Variants in GTF2B observed in about 807,000 individuals in gnomAD.
GTF2B encodes general transcription factor IIB.
In GTF2B, 20 loss-of-function variants were observed where a neutral mutation model predicts 34.6. The observed-to-expected ratio is 0.58, with a 90% CI of 0.41 to 0.84. The LOEUF (loss-of-function observed/expected upper bound fraction) is 0.84, where lower values mean the gene tolerates loss of function less well. Among genes scored for constraint, GTF2B ranks in the 40% least tolerant of loss-of-function variants. GTF2B has a pLI of 0.00. For missense variants in GTF2B, 237 were observed against 393.3 expected (o/e 0.60, Z 3.36); for synonymous variants, 142 against 132.4 (o/e 1.07, Z -0.50).
At chr1:88,866,166 A>G (rs1673555679) in intron 2 of GTF2B, among the ~76,000 whole-genome samples, 1 of 151,998 alleles carries the variant, frequency 6.6e-6, no homozygotes, top group Non-Finnish European at 1.5e-5. Context: ...GTTCAAGACC[A>G]GCCTGGGCAA....
intron 2 of GTF2B, among the ~76,000 whole-genome samples, chr1:88,875,235 T>C (rs942972886): frequency 1.3e-5 from 2 of 152,234 alleles, no homozygotes; most frequent in Non-Finnish European, 2.9e-5. Flanking sequence ...TCACAGTTTA[T>C]GTTGCCATAA....
chr1:88,857,020 C>T (rs1322860477), intron 6 of GTF2B, among the ~76,000 whole-genome samples, 186 bp downstream of exon 6: 2 of 152,030 alleles, frequency 1.3e-5, no homozygotes, highest in Non-Finnish European at 2.9e-5. Context: ...AGGCTGGTCT[C>T]GAACTCCTGA....
At chr1:88,863,904 T>C (rs1006717630) in intron 3 of GTF2B, 77 bp downstream of exon 3, 16 of 1,317,826 alleles carry the variant, frequency 1.2e-5, no homozygotes, top group Admixed American at 3.5e-5. Context: ...CAGTGACTGA[T>C]ACTTTTGCAA....
Position 88,885,674 on chromosome 1 carries a change from C to T in GTF2B, c.124+1587G>A, listed in dbSNP as rs138590820. On this transcript the variant is annotated intron_variant, in intron 2 of 6. Transcript: ENST00000370500. ...CTGAGGCAGGAGAATCACTTGAACC[C>T]GGGAGGCGGAGGTTGTGGTGAACCG... 2.0e-3 allele frequency among the ~76,000 whole-genome samples: 310 copies of T among 151,448 alleles called. 2 individuals are homozygous for T. The highest frequency in any genetic ancestry group is 6.9e-3 in the African/African-American group (286 of 41,218).
At chr1:88,884,776 A>C (rs1674024946) in intron 2 of GTF2B, among the ~76,000 whole-genome samples, 1 of 152,244 alleles carries the variant, frequency 6.6e-6, no homozygotes, top group Non-Finnish European at 1.5e-5. Flanking sequence ...GTATTCTTTT[A>C]ACACAGCTAC....
At chr1:88,890,005 C>T (rs1398004016) in intron 1 of GTF2B, among the ~76,000 whole-genome samples, 1 of 152,130 alleles carries the variant, frequency 6.6e-6, no homozygotes, top group Non-Finnish European at 1.5e-5. Context: ...GTGCCACCTA[C>T]ACTTCAGCCC....
At chr1:88,883,564 T>C (rs935746660) in intron 2 of GTF2B, among the ~76,000 whole-genome samples, 1 of 150,760 alleles carries the variant, frequency 6.6e-6, no homozygotes, top group Non-Finnish European at 1.5e-5. Flanking sequence ...AAAAAAAAAA[T>C]TAGCCAGGGT....
At chr1:88,853,705 G>C (rs1289651918) in intron 6 of GTF2B, among the ~76,000 whole-genome samples, 2 of 152,204 alleles carry the variant, frequency 1.3e-5, no homozygotes. Context: ...TCAGGAGGCT[G>C]AGGCAGGAGA....
At chr1:88,876,827 A>G (rs1460658680) in intron 2 of GTF2B, among the ~76,000 whole-genome samples, 1 of 152,258 alleles carries the variant, frequency 6.6e-6, no homozygotes, top group Non-Finnish European at 1.5e-5. Flanking sequence ...GATGAAACAA[A>G]TTAAGCTTGA....
At chr1:88,882,500 TAGTA>T (rs778979803) in intron 2 of GTF2B, among the ~76,000 whole-genome samples, 3 of 152,188 alleles carry the variant, frequency 2.0e-5, no homozygotes, top group Non-Finnish European at 2.9e-5. Flanking sequence ...AAGGGTGACA[TAGTA>T]AGTATTTTAG....
At chr1:88,870,276 G>A (rs185319882) in intron 2 of GTF2B, among the ~76,000 whole-genome samples, 1 of 152,302 alleles carries the variant, frequency 6.6e-6, no homozygotes, top group East Asian at 1.9e-4. Flanking sequence ...CTTGATTAAG[G>A]TGTGGGTTAC....
At chr1:88,865,479 T>C (rs1673527715) in intron 2 of GTF2B, among the ~76,000 whole-genome samples, 1 of 152,124 alleles carries the variant, frequency 6.6e-6, no homozygotes, top group African/African-American at 2.4e-5. Flanking sequence ...CCCAGCACTT[T>C]GGGAGGCCGA....
chr1:88,884,460 A>G (rs953103944), intron 2 of GTF2B, among the ~76,000 whole-genome samples: 3 of 152,214 alleles, frequency 2.0e-5, no homozygotes, highest in African/African-American at 7.2e-5. Context: ...CACTGTCCTC[A>G]ACTCTTCAAG....
At chr1:88,890,919 C>T (rs1210036879) in intron 1 of GTF2B, among the ~76,000 whole-genome samples, 1 of 152,112 alleles carries the variant, frequency 6.6e-6, no homozygotes, top group East Asian at 1.9e-4. Context: ...AACTAATCAA[C>T]TCTTCCGATG....
chr1:88,864,051 T>C lies in GTF2B; in HGVS notation c.188A>G (p.Asp63Gly). Residue 63 changes from aspartate to glycine, a missense_variant, in exon 3 of 7, where the codon GAT becomes GGT. Asp to Gly is a moderately conservative substitution (Grantham distance 94). Coordinates refer to ENST00000370500, the MANE Select transcript of GTF2B (RefSeq NM_001514.6). ...RTFSNDKATKDPSRVGDSQNP... is the reference protein window; with the variant it reads ...RTFSNDKATKGPSRVGDSQNP... ...CTGAGAATCTCCAACTCGAGATGGA[T>C]CTTTTGTTGCTTTGTCATTGCTGAA... 1.9e-6 allele frequency: 3 copies of C among 1,613,446 alleles called. No homozygotes were observed. Among genetic ancestry groups the C allele is most frequent in the Non-Finnish European group, 2.5e-6 (3 of 1,179,402 alleles).
At chr1:88,886,922 TATTA>T (rs1316841626) in intron 2 of GTF2B, among the ~76,000 whole-genome samples, 2 of 146,416 alleles carry the variant, frequency 1.4e-5, no homozygotes, top group African/African-American at 2.7e-5. Flanking sequence ...TTATTATTAT[TATTA>T]TTTTTTTTTT....
At position 88,887,250 on chromosome 1, in the gene GTF2B, T is replaced by A. The variant is rs557265690; in HGVS notation, c.124+11A>T. 200 of 1,530,700 alleles carry A rather than the reference T, an allele frequency of 1.3e-4. 3 individuals are homozygous for A. In the South Asian group the frequency reaches 2.1e-3, roughly 16 times the overall value. The allele number at this position is 1,530,700 out of a possible 1,614,324, so 94.8% of individuals were successfully genotyped here. On this transcript the variant is annotated intron_variant, in intron 2 of 6. Coordinates refer to ENST00000370500, the MANE Select transcript of GTF2B (RefSeq NM_001514.6). The stretch of plus-strand genomic sequence containing the variant: ...ACAGTAATTTAAATTAAAACCATAA[T>A]AACAACTCACCTACAACCAAGCCAC...
chr1:88,857,194 G>T lies in GTF2B; in HGVS notation c.817+12C>A. 1 of 1,596,906 alleles carries T rather than the reference G, an allele frequency of 6.3e-7. No individual in the cohort carries two copies. The highest frequency in any genetic ancestry group is 1.1e-5 in the South Asian group (1 of 88,626). On this transcript the variant is annotated intron_variant, in intron 6 of 6. Transcript: ENST00000370500. Reference sequence around the variant, plus strand: ...TCAGTTTACTGCCACACTTCCTGATGACGAACCCTACCTTTTTGGGTCCTC... The same window carrying T: ...TCAGTTTACTGCCACACTTCCTGATTACGAACCCTACCTTTTTGGGTCCTC...
At chr1:88,859,146 G>A (rs1673382893) in intron 5 of GTF2B, among the ~76,000 whole-genome samples, 1 of 152,094 alleles carries the variant, frequency 6.6e-6, no homozygotes, top group African/African-American at 2.4e-5. Flanking sequence ...GATTACAGGT[G>A]TGAGACACCA....
Sources: gnomAD v4.1 joint callset for allele counts (sites outside exome capture counted in the v4.1 genomes callset) on GRCh38, gnomAD v4.1.1 for gene constraint, MANE v1.5 for transcripts, NCBI Gene and HGNC (gene_info 2026-07-23, HGNC 2026-07-21) for gene names.